Variants in CNTNAP2 observed in about 807,000 individuals in gnomAD.
The protein encoded by CNTNAP2 is contactin associated protein 2, also known as contactin-associated protein-like 2.
A neutral mutation model predicts 155.2 loss-of-function variants in CNTNAP2; 98 were observed. That is an observed-to-expected ratio of 0.63 (90% CI 0.54 to 0.75). The LOEUF (loss-of-function observed/expected upper bound fraction) is 0.75. Ranked by LOEUF, CNTNAP2 falls within the 30% of genes least tolerant of loss-of-function variation. The pLI is 0.00. For missense variants in CNTNAP2, 1,727 were observed against 1,688.1 expected, an observed-to-expected ratio of 1.02 and a Z score of -0.40; for synonymous variants, 651 against 631.2, an observed-to-expected ratio of 1.03 and a Z score of -0.47.
intron 1 of CNTNAP2, among the ~76,000 whole-genome samples, chr7:146,575,253 A>G (rs1416202394): frequency 6.6e-6 from 1 of 152,064 alleles, no homozygotes; most frequent in African/African-American, 2.4e-5. Context: ...AGTAGCTGAG[A>G]TTACAGGCGT....
At chr7:147,300,059 A>G in intron 8 of CNTNAP2, 82 bp from the exon 9 acceptor site, 3 of 1,437,974 alleles carry the variant, frequency 2.1e-6, no homozygotes, top group Non-Finnish European at 2.9e-6. Context: ...TTTATTTGTA[A>G]AATCGTGATT....
chr7:148,157,518 T>C (rs569125399), intron 17 of CNTNAP2, among the ~76,000 whole-genome samples: 1 of 142,552 alleles, frequency 7.0e-6, no homozygotes, highest in East Asian at 2.1e-4. Context: ...TTGGGAAATA[T>C]CTTTTTACTG....
At chr7:146,469,839 ATTTTTT>A (rs55827136) in intron 1 of CNTNAP2, among the ~76,000 whole-genome samples, 1 of 85,432 alleles carries the variant, frequency 1.2e-5, no homozygotes, top group Admixed American at 1.2e-4. Context: ...CTTAATTGAC[ATTTTTT>A]TTTTTTTTTT....
intron 3 of CNTNAP2, among the ~76,000 whole-genome samples, chr7:146,947,596 T>C (rs1304975567): frequency 7.1e-6 from 1 of 140,698 alleles, no homozygotes; most frequent in Non-Finnish European, 1.5e-5. Context: ...TATATATATA[T>C]ATGTATATAT....
intron 14 of CNTNAP2, among the ~76,000 whole-genome samples, chr7:147,943,490 G>A (rs570670154): frequency 1.1e-4 from 17 of 152,002 alleles, no homozygotes; most frequent in East Asian, 5.8e-4. Flanking sequence ...AATCTGGGCC[G>A]GGCGAAGTCG....
intron 14 of CNTNAP2, among the ~76,000 whole-genome samples, chr7:147,930,773 C>G (rs577666109): frequency 6.6e-6 from 1 of 152,252 alleles, no homozygotes; most frequent in East Asian, 1.9e-4. Flanking sequence ...AGAACATTCT[C>G]CAGGATAGAT....
At chr7:147,715,702 G>T (rs1279737327) in intron 13 of CNTNAP2, among the ~76,000 whole-genome samples, 2 of 151,848 alleles carry the variant, frequency 1.3e-5, no homozygotes, top group East Asian at 3.9e-4. Flanking sequence ...TTTTGATGAG[G>T]TCCAATTTAT....
chr7:147,736,741 A>G (rs1311826277), intron 13 of CNTNAP2, among the ~76,000 whole-genome samples: 6 of 152,028 alleles, frequency 3.9e-5, no homozygotes. Flanking sequence ...TTTTTTCTCT[A>G]AACTTCTCTT....
intron 1 of CNTNAP2, among the ~76,000 whole-genome samples, chr7:146,203,232 G>A (rs1247546306): frequency 6.6e-6 from 1 of 152,154 alleles, no homozygotes; most frequent in Non-Finnish European, 1.5e-5. Context: ...GTTAGCATCA[G>A]ATCCCAGGGT....
chr7:146,665,787 A>AAAAAAAAAAAAAAAAAAAAAAAAAAAC, intron 1 of CNTNAP2, among the ~76,000 whole-genome samples: 1 of 147,002 alleles, frequency 6.8e-6, no homozygotes, highest in African/African-American at 2.6e-5. Flanking sequence ...TCTCATTAAA[A>AAAAAAAAAAAAAAAAAAAAAAAAAAAC]AAAAAAAAAA....
At chr7:147,619,922 T>C (rs142478608) in intron 12 of CNTNAP2, among the ~76,000 whole-genome samples, 1 of 152,298 alleles carries the variant, frequency 6.6e-6, no homozygotes, top group African/African-American at 2.4e-5. Context: ...ACAATCCTAG[T>C]GGTGGTGGCC....
At chr7:147,035,013 C>T (rs1259206240) in intron 3 of CNTNAP2, among the ~76,000 whole-genome samples, 1 of 152,112 alleles carries the variant, frequency 6.6e-6, no homozygotes, top group Non-Finnish European at 1.5e-5. Flanking sequence ...CCTTCTCTAT[C>T]CAGCACTTCT....
At chr7:148,356,694 GTT>G (rs1178450065) in intron 21 of CNTNAP2, among the ~76,000 whole-genome samples, 1 of 151,990 alleles carries the variant, frequency 6.6e-6, no homozygotes, top group Non-Finnish European at 1.5e-5. Flanking sequence ...AGAAAACCAG[GTT>G]TTAGAAGTAT....
intron 1 of CNTNAP2, among the ~76,000 whole-genome samples, chr7:146,590,415 A>G (rs946688673): frequency 1.4e-4 from 22 of 152,152 alleles, no homozygotes; most frequent in African/African-American, 4.8e-4. Flanking sequence ...GACAATGATC[A>G]TGCCTGTCCA....
At chr7:147,814,000 A>G (rs572641363) in intron 13 of CNTNAP2, among the ~76,000 whole-genome samples, 19 of 151,982 alleles carry the variant, frequency 1.3e-4, no homozygotes, top group Non-Finnish European at 2.4e-4. Flanking sequence ...AATAGCTAAC[A>G]TTTACTGTTC....
chr7:148,227,780 T>A (rs1547598), intron 19 of CNTNAP2, among the ~76,000 whole-genome samples: 147,479 of 152,328 alleles, frequency 0.97, 71,455 homozygotes, highest in East Asian at 1. Flanking sequence ...AGAAAACAAA[T>A]ATAGGAAATG....
At chr7:147,103,510 C>T (rs1434456941) in intron 4 of CNTNAP2, among the ~76,000 whole-genome samples, 5 of 151,978 alleles carry the variant, frequency 3.3e-5, no homozygotes, top group Non-Finnish European at 7.4e-5. Context: ...TATTTATTTG[C>T]ATAAACTATA....
chr7:146,511,382 G>A (rs1797463666), intron 1 of CNTNAP2, among the ~76,000 whole-genome samples: 1 of 152,076 alleles, frequency 6.6e-6, no homozygotes. Context: ...CAAAGGAAAG[G>A]GTTTCAATTT....
chr7:147,567,305 G>C (rs1375872399), intron 12 of CNTNAP2, among the ~76,000 whole-genome samples: 1 of 152,158 alleles, frequency 6.6e-6, no homozygotes, highest in Non-Finnish European at 1.5e-5. Context: ...AGGAAAAATA[G>C]GTCAACTTAC....
Sources: gnomAD v4.1 joint callset for allele counts (sites outside exome capture counted in the v4.1 genomes callset) on GRCh38, gnomAD v4.1.1 for gene constraint, MANE v1.5 for transcripts, NCBI Gene and HGNC (gene_info 2026-07-23, HGNC 2026-07-21) for gene names.